RCOR1: variants seen among roughly 807,000 people sequenced by gnomAD.
RCOR1 encodes REST corepressor 1, also known as REST corepressor.
Under a neutral mutation model 64.0 loss-of-function variants are expected in RCOR1, and 12 were observed. The ratio of observed to expected loss-of-function variants is 0.19; its 90% CI spans 0.12 to 0.30. RCOR1 has a LOEUF of 0.30. Among genes scored for constraint, RCOR1 ranks in the 10% least tolerant of loss-of-function variants. RCOR1 has a pLI of 1.00. For synonymous variants in RCOR1, 279 were observed against 227.2 expected (o/e 1.23, Z -2.05); for missense variants, 502 against 621.2 (o/e 0.81, Z 2.04).
chr14:102,629,660 T>G (rs1323673195), intron 2 of RCOR1, among the ~76,000 whole-genome samples: 1 of 152,206 alleles, frequency 6.6e-6, no homozygotes, highest in African/African-American at 2.4e-5. Flanking sequence ...AAATGCTATT[T>G]GTAGTCTAAA....
At chr14:102,722,069 T>C (rs1896178839) in intron 10 of RCOR1, 118 bp from the exon 11 acceptor site, 3 of 717,898 alleles carry the variant, frequency 4.2e-6, no homozygotes, top group Non-Finnish European at 7.0e-6. Context: ...CACGAAATTA[T>C]TGCCTGCTGT....
intron 4 of RCOR1, among the ~76,000 whole-genome samples, chr14:102,705,789 G>A (rs1895840382): frequency 6.6e-6 from 1 of 151,888 alleles, no homozygotes; most frequent in African/African-American, 2.4e-5. Context: ...ATATACACAA[G>A]GAAATAGAAA....
At chr14:102,624,335 C>T (rs1464695599) in intron 2 of RCOR1, among the ~76,000 whole-genome samples, 1 of 151,836 alleles carries the variant, frequency 6.6e-6, no homozygotes, top group African/African-American at 2.4e-5. Context: ...GAAACCCTAC[C>T]TCTACAAAAA....
At chr14:102,655,308 T>C in intron 2 of RCOR1, 6 of 985,042 alleles carry the variant, frequency 6.1e-6, no homozygotes, top group Non-Finnish European at 7.2e-6. Context: ...TCTGTTTAAA[T>C]ACTGGAGAAT....
intron 2 of RCOR1, among the ~76,000 whole-genome samples, chr14:102,671,252 C>T (rs934027257): frequency 6.6e-6 from 1 of 152,130 alleles, no homozygotes; most frequent in Non-Finnish European, 1.5e-5. Context: ...AACACAACTC[C>T]CTCTTCCCCT....
intron 2 of RCOR1, chr14:102,662,822 G>T (rs969716652): frequency 1.1e-5 from 2 of 182,744 alleles, no homozygotes; most frequent in East Asian, 1.6e-4. Flanking sequence ...GCTGTTTTCA[G>T]CAGCACTTGA....
rs1484259239 is a variant in RCOR1 at position 102,681,926 on chromosome 14, C to A, written c.393C>A (p.Asp131Glu). The change falls in exon 3 of 12, where the codon GAC becomes GAA. Residue 131 changes from aspartate to glutamate, a missense_variant. By Grantham distance (45) the Asp-to-Glu change is conservative. Around this residue, in one of 2 missense-constraint regions of RCOR1, gnomAD observed 242 missense variants for 204.9 expected, o/e 1.18. Transcript: ENST00000262241. ...TGGCAAGACGCAGTCAAGAACGGGA[C>A]AATCTTGGCATGTTGGTCTGGTCAC... is the stretch of plus-strand genomic sequence containing the variant. ...AKLARRSQER[D>E]NLGMLVWSPN... 6.2e-7 allele frequency: 1 copy of A among 1,613,930 alleles called. No homozygotes were observed. Among genetic ancestry groups the A allele is most frequent in the Non-Finnish European group, 8.5e-7 (1 of 1,179,834 alleles).
At chr14:102,722,464 A>G (rs756504663) in intron 11 of RCOR1, 48 bp downstream of exon 11, 1 of 1,458,888 alleles carries the variant, frequency 6.9e-7, no homozygotes, top group Non-Finnish European at 9.5e-7. Flanking sequence ...TTCACGCTTG[A>G]TACTCCAGTT....
chr14:102,607,285 C>G (rs1480106961), intron 2 of RCOR1, among the ~76,000 whole-genome samples: 1 of 152,130 alleles, frequency 6.6e-6, no homozygotes, highest in Non-Finnish European at 1.5e-5. Flanking sequence ...AACTGTATAT[C>G]AAATGGAAAT....
rs1566716112 is a variant in RCOR1, at chr14:102,726,507, G to T, written c.*1G>T. 1.9e-6 allele frequency: 3 copies of T among 1,603,354 alleles called. No homozygotes were observed. The highest frequency in any genetic ancestry group is 2.5e-6 in the Non-Finnish European group (3 of 1,177,754). ...TGTCAGATATGCATCTGCCTCCTGA[G>T]AAACTGGTGGCTTTGAACACTTGGT... On this transcript the variant is annotated 3_prime_UTR_variant, in exon 12 of 12. Transcript: ENST00000262241.
chr14:102,600,076 A>T (rs531911037), intron 2 of RCOR1, among the ~76,000 whole-genome samples: 2 of 148,960 alleles, frequency 1.3e-5, no homozygotes, highest in East Asian at 4.0e-4. Context: ...TTATTTATTT[A>T]ATTATTATTA....
At position 102,612,415 on chromosome 14, in the gene RCOR1, T is replaced by C. The variant is rs1595194124; in HGVS notation, c.361+19090T>C. On this transcript the variant is annotated intron_variant, in intron 2 of 11. Transcript: ENST00000262241. ...GAGACGGGGTTTTGGGCCAGGCTGG[T>C]CTTGAACTCCTGCTCTTAAGCGATC... 2.0e-5 allele frequency among the ~76,000 whole-genome samples: 3 copies of C among 151,948 alleles called. No homozygotes were observed. The South Asian group carries it at 6.2e-4, about 32-fold the overall frequency.
intron 2 of RCOR1, chr14:102,655,886 G>A: frequency 1.5e-6 from 1 of 671,610 alleles, no homozygotes. Context: ...CTGGGAGGTG[G>A]AGGTTGCGGT....
chr14:102,689,934 G>C (rs930590077), intron 3 of RCOR1, among the ~76,000 whole-genome samples: 1 of 152,092 alleles, frequency 6.6e-6, no homozygotes, highest in Non-Finnish European at 1.5e-5. Flanking sequence ...TAGTAGACAC[G>C]GGGTTTCACC....
At chr14:102,636,746 G>T (rs1894247583) in intron 2 of RCOR1, among the ~76,000 whole-genome samples, 1 of 151,260 alleles carries the variant, frequency 6.6e-6, no homozygotes, top group South Asian at 2.1e-4. Context: ...GAGGCAGGCG[G>T]ATCACCTGAG....
rs71119719 is a variant in RCOR1 at position 102,613,885 on chromosome 14, C to CTTTTT, written c.361+20580_361+20584dup. ...TAGGTTGTTTTTTGAATTAACTATT[C>CTTTTT]TTTTTTTTTTTTTTTTTTTTTTTTG... On this transcript the variant is annotated intron_variant, in intron 2 of 11. Coordinates refer to ENST00000262241, the MANE Select transcript of RCOR1 (RefSeq NM_015156.4). 5.0e-3 allele frequency among the ~76,000 whole-genome samples: 276 copies of CTTTTT among 55,436 alleles called. 1 individual carries two copies. Among genetic ancestry groups the CTTTTT allele is most frequent in the Middle Eastern group, 0.026 (1 of 38 alleles). 36.4% of individuals were successfully genotyped at this position (55,436 alleles called of 152,430 possible).
intron 2 of RCOR1, among the ~76,000 whole-genome samples, chr14:102,679,483 T>A (rs1445816943): frequency 7.9e-5 from 12 of 151,676 alleles, no homozygotes; most frequent in Non-Finnish European, 1.6e-4. Flanking sequence ...CCTTTTTTTT[T>A]CTTTTTTTTT....
At position 102,707,434 on chromosome 14, in the gene RCOR1, G is replaced by A. The variant is rs772257397; in HGVS notation, c.582G>A (p.Glu194=). The A allele has an allele frequency of 1.4e-5, 23 of 1,613,074 alleles. No individual in the cohort carries two copies. The highest frequency in any genetic ancestry group is 1.9e-5 in the Non-Finnish European group (23 of 1,179,634). The change falls in exon 5 of 12, where the codon GAG becomes GAA. Residue 194 remains glutamate, a synonymous_variant. Transcript: ENST00000262241. ...CCAACTTTACCCCTTTCCCAGATGAGTGGACTGTGGAAGATAAAGTCTTAT... is the reference window on the plus strand; with the variant it reads ...CCAACTTTACCCCTTTCCCAGATGAATGGACTGTGGAAGATAAAGTCTTAT... ...DLPNFTPFPD[E]WTVEDKVLFE... is the part of the protein sequence containing the mutation.
At chr14:102,661,097 A>G (rs1894816009) in intron 2 of RCOR1, among the ~76,000 whole-genome samples, 1 of 152,218 alleles carries the variant, frequency 6.6e-6, no homozygotes. Flanking sequence ...TTGTAATCCC[A>G]GCACTGTGGG....
Sources: gnomAD v4.1 joint callset for allele counts (sites outside exome capture counted in the v4.1 genomes callset) on GRCh38, gnomAD v4.1.1 for gene constraint, gnomAD v4.1.1 regional missense constraint, MANE v1.5 for transcripts, NCBI Gene and HGNC (gene_info 2026-07-23, HGNC 2026-07-21) for gene names.